The following SYNM variants were observed in gnomAD, a reference collection of about 807,000 sequenced individuals.
The protein encoded by SYNM is synemin.
Under a neutral mutation model 104.0 loss-of-function variants are expected in SYNM, and 95 were observed. The ratio of observed to expected loss-of-function variants is 0.91; its 90% CI spans 0.77 to 1.08. The LOEUF (loss-of-function observed/expected upper bound fraction) is 1.08, where lower values mean the gene tolerates loss of function less well. Among genes scored for constraint, SYNM ranks in the 50% least tolerant of loss-of-function variants. The pLI is 0.00. For synonymous variants in SYNM, 918 were observed against 869.0 expected (o/e 1.06, Z -0.99); for missense variants, 2,150 against 2,052.2 (o/e 1.05, Z -0.92).
chr15:99,125,527 G>A (rs556564454), intron 2 of SYNM, among the ~76,000 whole-genome samples: 1 of 152,382 alleles, frequency 6.6e-6, no homozygotes, highest in Admixed American at 6.5e-5. Flanking sequence ...CTTCGCGAGA[G>A]TGCCTCATGC....
Position 99,133,373 on chromosome 15 carries a change from C to T in SYNM, c.*315C>T. On this transcript the variant is annotated 3_prime_UTR_variant, in exon 4 of 4. Coordinates refer to ENST00000336292, the MANE Select transcript of SYNM (RefSeq NM_145728.3). ...ACCTGGTCACAGACATGGCTTGCATCTGTTTGAAACTACAATTAATTATAG... is the reference window on the plus strand; with the variant it reads ...ACCTGGTCACAGACATGGCTTGCATTTGTTTGAAACTACAATTAATTATAG... 1 of 313,822 alleles carries T rather than the reference C, an allele frequency of 3.2e-6. No homozygotes were observed. The highest frequency in any genetic ancestry group is 4.4e-5 in the South Asian group (1 of 22,596). The allele number at this position is 313,822 out of a possible 1,614,324, so 19.4% of individuals were successfully genotyped here. A position where few individuals can be genotyped will look rare whatever the true frequency, so the allele number is the denominator to read the frequency against.
the SYNM span, chr15:99,141,074 T>C: frequency 1.3e-5 from 2 of 152,176 alleles, no homozygotes; most frequent in East Asian, 3.8e-4. Context: ...CTGCAAAAAC[T>C]ACCAAGTTTT....
chr15:99,140,552 T>G (rs1555489852), downstream of SYNM: 1 of 152,026 alleles, frequency 6.6e-6, no homozygotes, highest in Non-Finnish European at 1.5e-5. Flanking sequence ...GCATTTTTAG[T>G]AGAGATGAGG....
At position 99,131,866 on chromosome 15, in the gene SYNM, G is replaced by T; in HGVS notation, c.3506G>T (p.Arg1169Leu). ...GCAGCGAGCCCGACCGGAGCCAGCC[G>T]GTCTGTGAGGCATGTCACGCTGGGT... ...SQAASPTGAS[R>L]SVRHVTLGPG... The change falls in exon 4 of 4, where the codon CGG (arginine) becomes CTG (leucine). Residue 1169 changes from arginine to leucine, a missense_variant. Transcript: ENST00000336292. The surrounding 1 kb of genome is among the most constrained non-coding windows in gnomAD (Gnocchi z 4.3). 6.2e-7 allele frequency: 1 copy of T among 1,613,922 alleles called. No individual in the cohort carries two copies. The highest frequency in any genetic ancestry group is 1.3e-5 in the African/African-American group (1 of 75,060).
At chr15:99,120,532 C>T (rs1043982202) in intron 2 of SYNM, among the ~76,000 whole-genome samples, 2 of 152,142 alleles carry the variant, frequency 1.3e-5, no homozygotes, top group Non-Finnish European at 1.5e-5. Flanking sequence ...GGGTAAGAGC[C>T]ACACCTGCCC....
downstream of SYNM, chr15:99,139,267 C>G (rs371532657): frequency 1.9e-6 from 3 of 1,591,544 alleles, no homozygotes; most frequent in African/African-American, 1.4e-5. Context: ...TCTTGAGATT[C>G]TGAATGGAAA....
intron 3 of SYNM, 111 bp downstream of exon 3, chr15:99,126,903 A>G: frequency 2.2e-6 from 2 of 894,492 alleles, no homozygotes; most frequent in Non-Finnish European, 3.3e-6. Flanking sequence ...TGGTGTTTAG[A>G]TAACAGGAGT....
chr15:99,130,357 C>T lies in SYNM; in HGVS notation c.1997C>T (p.Thr666Ile), dbSNP rs1264169646. ...GCATCTGCTGATTCTTTTCCAGACA[C>T]AAAAGTCACTTACGTGGACAGGAAA... ...TEASADSFPDTKVTYVDRKEL... is the reference protein window; with the variant it reads ...TEASADSFPDIKVTYVDRKEL... The change falls in exon 4 of 4, where the codon ACA becomes ATA. Residue 666 changes from threonine (T) to isoleucine (I), a missense_variant. Coordinates refer to ENST00000336292, the MANE Select transcript of SYNM (RefSeq NM_145728.3). 1.9e-6 allele frequency: 3 copies of T among 1,613,592 alleles called. No homozygotes were observed. Among genetic ancestry groups the T allele is most frequent in the Non-Finnish European group, 8.5e-7 (1 of 1,179,770 alleles).
intron 1 of SYNM, among the ~76,000 whole-genome samples, chr15:99,109,398 G>A (rs1555483194): frequency 6.6e-6 from 1 of 152,184 alleles, no homozygotes; most frequent in African/African-American, 2.4e-5. Flanking sequence ...GCTTATGAAA[G>A]TGAGCCCTTA....
In SYNM at chr15:99,133,881, C is replaced by T. The variant is rs260086; in HGVS notation, c.*823C>T. On this transcript the variant is annotated 3_prime_UTR_variant, in exon 4 of 4. Transcript: ENST00000336292. ...GTTCCTATCAGACTGTGCAGACTTG[C>T]GCTTCTCTGCACCTTATCCCTTAGC... The T allele has an allele frequency of 0.099, 15,125 of 152,256 alleles. 890 individuals are homozygous for T. The highest frequency in any genetic ancestry group is 0.16 in the African/African-American group (6,658 of 41,502). The allele number at this position is 152,256 out of a possible 1,614,324, so 9.4% of individuals were successfully genotyped here. A position where few individuals can be genotyped will look rare whatever the true frequency, so the allele number is the denominator to read the frequency against.
Position 99,113,604 on chromosome 15 carries a change from G to C in SYNM, c.824G>C (p.Cys275Ser), listed in dbSNP as rs1555483621. ...TATTCTCTTTAGAGAGTGATTGACT[G>C]CCTGGAGGATGAGAAGGCAACCCTC... ...QAEERQRVID[C>S]LEDEKATLTL... is the part of the protein sequence containing the mutation. The change falls in exon 2 of 4, where the codon TGC becomes TCC. Residue 275 changes from cysteine to serine, a missense_variant. Transcript: ENST00000336292. 10 of 1,613,420 alleles carry C rather than the reference G, an allele frequency of 6.2e-6. No individual in the cohort carries two copies. The highest frequency in any genetic ancestry group is 1.7e-5 in the Admixed American group (1 of 59,952).
At chr15:99,107,848 C>T (rs545973778) in intron 1 of SYNM, among the ~76,000 whole-genome samples, 115 of 152,150 alleles carry the variant, frequency 7.6e-4, no homozygotes, top group African/African-American at 2.7e-3. Context: ...CGTTTGCCAT[C>T]CAGTGATACT....
Position 99,130,815 on chromosome 15 carries a change from A to T in SYNM, c.2455A>T (p.Thr819Ser), listed in dbSNP as rs899051023. The T allele has an allele frequency of 1.9e-6, 3 of 1,613,918 alleles. No individual in the cohort carries two copies. The highest frequency in any genetic ancestry group is 2.7e-5 in the African/African-American group (2 of 74,926). ...QENTTHVEEV[T>S]EAGDSEGEQS... ...GAACACGACTCACGTGGAAGAAGTG[A>T]CAGAGGCAGGTGATTCAGAGGGCGA... Residue 819 changes from threonine (T) to serine (S), a missense_variant, in exon 4 of 4, where the codon ACA becomes TCA. By Grantham distance (58) the Thr-to-Ser change is moderately conservative. Transcript: ENST00000336292.
chr15:99,124,271 A>G (rs892022571), intron 2 of SYNM, among the ~76,000 whole-genome samples: 1 of 152,230 alleles, frequency 6.6e-6, no homozygotes, highest in Non-Finnish European at 1.5e-5. Flanking sequence ...CTTTAGAGGA[A>G]GTCGTGGTTT....
chr15:99,111,568 G>A (rs965622476), intron 1 of SYNM, among the ~76,000 whole-genome samples: 5 of 152,162 alleles, frequency 3.3e-5, no homozygotes, highest in Non-Finnish European at 5.9e-5. Flanking sequence ...ATCTGTTATC[G>A]TTTTTCCACC....
chr15:99,109,107 G>A (rs562831775), intron 1 of SYNM, among the ~76,000 whole-genome samples: 1 of 152,292 alleles, frequency 6.6e-6, no homozygotes, highest in African/African-American at 2.4e-5. Context: ...GGCTCAAGGG[G>A]GAAGATGCTT....
At chr15:99,138,181 G>C, downstream of SYNM, 1 of 1,598,302 alleles carries the variant, frequency 6.3e-7, no homozygotes, top group East Asian at 2.2e-5. Flanking sequence ...CCCCCACACC[G>C]TTCCCATCCA....
chr15:99,133,237 AT>A lies in SYNM; in HGVS notation c.*181del. Reference sequence around the variant, plus strand: ...GTTAATCCGTAAAGGTTTCCAGTTAATTCATGCCTTAAAAGGCACTGCAATT... The same window carrying A: ...GTTAATCCGTAAAGGTTTCCAGTTAATCATGCCTTAAAAGGCACTGCAATT... On this transcript the variant is annotated 3_prime_UTR_variant, in exon 4 of 4. Transcript: ENST00000336292. The A allele has an allele frequency of 7.6e-7, 1 of 1,319,620 alleles. No homozygotes were observed. The allele number at this position is 1,319,620 out of a possible 1,614,324, so 81.7% of individuals were successfully genotyped here. A position where few individuals can be genotyped will look rare whatever the true frequency, so the allele number is the denominator to read the frequency against.
chr15:99,137,424 A>G (rs1596149961), downstream of SYNM: 1 of 152,324 alleles, frequency 6.6e-6, no homozygotes, highest in East Asian at 1.9e-4. Flanking sequence ...GCCCCAGGCC[A>G]AGTCAGGTGT....
Sources: allele counts gnomAD v4.1 joint callset (sites outside exome capture counted in the v4.1 genomes callset), GRCh38; gene constraint gnomAD v4.1.1; non-coding constraint Gnocchi (gnomAD v3.1); transcripts MANE v1.5; gene names NCBI Gene and HGNC (gene_info 2026-07-23, HGNC 2026-07-21).